Variants in SHISAL1 observed in about 807,000 individuals in gnomAD.
The protein encoded by SHISAL1 is protein shisa-like-1.
Under a neutral mutation model 22.6 loss-of-function variants are expected in SHISAL1, and 9 were observed. That is an observed-to-expected ratio of 0.40 (90% CI 0.24 to 0.70). SHISAL1 has a LOEUF of 0.70. Ranked by LOEUF, SHISAL1 falls within the 30% of genes least tolerant of loss-of-function variation. SHISAL1 has a pLI of 0.39. For synonymous variants in SHISAL1, 119 were observed against 115.4 expected, an observed-to-expected ratio of 1.03 and a Z score of -0.20; for missense variants, 246 against 270.6, an observed-to-expected ratio of 0.91 and a Z score of 0.64.
intron 4 of SHISAL1, among the ~76,000 whole-genome samples, chr22:44,277,058 G>A (rs1451206576): frequency 6.6e-6 from 1 of 152,206 alleles, no homozygotes; most frequent in Non-Finnish European, 1.5e-5. Flanking sequence ...CCACTTTGGC[G>A]AACTCCTATT....
intron 4 of SHISAL1, among the ~76,000 whole-genome samples, chr22:44,264,832 AAC>A (rs1234678913): frequency 6.6e-6 from 1 of 151,466 alleles, no homozygotes; most frequent in South Asian, 2.1e-4. Context: ...CGAGGTCCCC[AAC>A]ACACACACCA....
chr22:44,271,732 T>C (rs1569213414), intron 4 of SHISAL1, among the ~76,000 whole-genome samples: 1 of 152,172 alleles, frequency 6.6e-6, no homozygotes, highest in South Asian at 2.1e-4. Context: ...CTGAACTAAA[T>C]TGGTTTTTTG....
chr22:44,258,551 T>C (rs569539603), intron 4 of SHISAL1, among the ~76,000 whole-genome samples: 1 of 152,294 alleles, frequency 6.6e-6, no homozygotes, highest in South Asian at 2.1e-4. Context: ...CCCCCACTTA[T>C]AAGTGAGAGC....
At chr22:44,328,509 T>C in the SHISAL1 span, among the ~76,000 whole-genome samples, 3 of 151,742 alleles carry the variant, frequency 2.0e-5, no homozygotes, top group Admixed American at 6.5e-5. Flanking sequence ...AGTCCTGTAC[T>C]GTGGACACAG....
rs1392097487 is a variant in SHISAL1 at position 44,249,475 on chromosome 22, C to T, written c.*210G>A. On this transcript the variant is annotated 3_prime_UTR_variant, in exon 5 of 5. Transcript: ENST00000381176. ...TTGCGGACAGGTGGCTCAGAATCCC[C>T]TCCCCTGCACCCCCAGCCCCTACCC... The T allele has an allele frequency of 5.8e-6, 3 of 520,076 alleles. No individual in the cohort carries two copies. The highest frequency in any genetic ancestry group is 6.9e-5 in the Admixed American group (2 of 28,798). 32.2% of individuals were successfully genotyped at this position (520,076 alleles called of 1,614,324 possible).
chr22:44,325,330 G>A, the SHISAL1 span, among the ~76,000 whole-genome samples: 4 of 152,070 alleles, frequency 2.6e-5, no homozygotes, highest in African/African-American at 9.7e-5. Context: ...ATGATGCCAG[G>A]CTTCCTGCAA....
chr22:44,263,498 G>A (rs1395797959), intron 4 of SHISAL1, among the ~76,000 whole-genome samples: 2 of 152,306 alleles, frequency 1.3e-5, no homozygotes, highest in East Asian at 3.9e-4. Context: ...GGGCAAGATG[G>A]CCATCCCAAG....
At position 44,293,015 on chromosome 22, in the gene SHISAL1, C is replaced by T. The variant is rs548417588; in HGVS notation, c.281+3657G>A. On this transcript the variant is annotated intron_variant, in intron 3 of 4. Transcript: ENST00000381176. The stretch of plus-strand genomic sequence containing the variant: ...TCAGAAGAAAGTCTATCCACCCTAT[C>T]CCCTGGGCTAGACAGGGCCCCGGAC... 1.1e-4 allele frequency among the ~76,000 whole-genome samples: 17 copies of T among 149,606 alleles called. No homozygotes were observed. In the South Asian group the frequency reaches 3.6e-3, roughly 32 times the overall value.
intron 4 of SHISAL1, among the ~76,000 whole-genome samples, chr22:44,273,585 A>G (rs1222983709): frequency 6.6e-6 from 1 of 152,244 alleles, no homozygotes; most frequent in Non-Finnish European, 1.5e-5. Flanking sequence ...ATGCAGCCCC[A>G]TCTCATAATG....
intron 3 of SHISAL1, among the ~76,000 whole-genome samples, chr22:44,293,292 C>A (rs9614427): frequency 1.3e-5 from 2 of 152,110 alleles, no homozygotes; most frequent in Admixed American, 1.3e-4. Flanking sequence ...AGAGGGAAGG[C>A]GGCGAGAAGA....
At chr22:44,265,134 G>A (rs1256588532) in intron 4 of SHISAL1, among the ~76,000 whole-genome samples, 1 of 152,174 alleles carries the variant, frequency 6.6e-6, no homozygotes, top group Non-Finnish European at 1.5e-5. Context: ...GCAGCCCTAA[G>A]ATGGCCTCCA....
intron 4 of SHISAL1, among the ~76,000 whole-genome samples, chr22:44,267,436 A>G (rs1239801406): frequency 4.7e-5 from 7 of 148,898 alleles, no homozygotes; most frequent in Admixed American, 3.3e-4. Flanking sequence ...GCCCTGGCCA[A>G]TCTCACGGAC....
intron 4 of SHISAL1, among the ~76,000 whole-genome samples, chr22:44,271,026 G>A (rs1160160172): frequency 6.6e-6 from 1 of 152,196 alleles, no homozygotes; most frequent in African/African-American, 2.4e-5. Context: ...AGAGTGGATA[G>A]AGACAAGAAA....
chr22:44,267,498 G>A (rs1419470677), intron 4 of SHISAL1, among the ~76,000 whole-genome samples: 1 of 151,542 alleles, frequency 6.6e-6, no homozygotes, highest in Non-Finnish European at 1.5e-5. Flanking sequence ...CCAAGCCACA[G>A]ACATGGCTGC....
At position 44,247,930 on chromosome 22, in the gene SHISAL1, G is replaced by A. The variant is rs1380244368; in HGVS notation, c.*1755C>T. 6.9e-6 allele frequency: 1 copy of A among 145,614 alleles called. No homozygotes were observed. The highest frequency in any genetic ancestry group is 2.6e-5 in the African/African-American group (1 of 38,412). The allele number at this position is 145,614 out of a possible 1,614,324, so 9.0% of individuals were successfully genotyped here. ...GCTTCCTTGAAACCACCAAGCCTGT[G>A]GCTGCCGCAGGATCTTTGCACTAGC... On this transcript the variant is annotated 3_prime_UTR_variant, in exon 5 of 5. Coordinates refer to ENST00000381176, the MANE Select transcript of SHISAL1 (RefSeq NM_001099294.2).
At chr22:44,282,613 G>A (rs1319012326) in intron 4 of SHISAL1, among the ~76,000 whole-genome samples, 1 of 152,242 alleles carries the variant, frequency 6.6e-6, no homozygotes, top group African/African-American at 2.4e-5. Context: ...GAGCTGGGGT[G>A]GGCAGGGGAG....
upstream of SHISAL1, among the ~76,000 whole-genome samples, chr22:44,316,505 C>T (rs529443723): frequency 9.1e-4 from 138 of 152,280 alleles, no homozygotes; most frequent in Admixed American, 2.0e-3. Context: ...TTGCAAGCCA[C>T]CCAGTCTTTG....
At chr22:44,323,636 C>T in the SHISAL1 span, among the ~76,000 whole-genome samples, 10 of 146,264 alleles carry the variant, frequency 6.8e-5, no homozygotes, top group African/African-American at 2.5e-4. Context: ...ATGCATCCAT[C>T]CACCCACTCA....
chr22:44,266,525 GGTATGT>G (rs2055163749), intron 4 of SHISAL1, among the ~76,000 whole-genome samples: 1 of 45,716 alleles, frequency 2.2e-5, no homozygotes, highest in African/African-American at 7.3e-5. Context: ...GGGGCTTTGG[GGTATGT>G]GTGTGTGTGT....
Sources: allele counts gnomAD v4.1 joint callset (sites outside exome capture counted in the v4.1 genomes callset), GRCh38; gene constraint gnomAD v4.1.1; transcripts MANE v1.5; gene names NCBI Gene and HGNC (gene_info 2026-07-23, HGNC 2026-07-21).